Variants in WWOX observed in about 807,000 individuals in gnomAD.
WWOX encodes WW domain containing oxidoreductase, also known as WW domain-containing oxidoreductase.
In WWOX, 69 loss-of-function variants were observed where a neutral mutation model predicts 46.2. The ratio of observed to expected loss-of-function variants is 1.49; its 90% confidence interval spans 1.23 to 1.82. WWOX has a LOEUF of 1.82. Among genes scored for constraint, WWOX ranks in the 40% most tolerant of loss-of-function variants. WWOX has a pLI of 0.00. For missense variants in WWOX, 919 were observed against 542.6 expected, an observed-to-expected ratio of 1.69 and a Z score of -6.89; for synonymous variants, 359 against 202.6, an observed-to-expected ratio of 1.77 and a Z score of -6.56.
At chr16:78,657,754 C>G (rs1486501931) in intron 8 of WWOX, among the ~76,000 whole-genome samples, 1 of 152,160 alleles carries the variant, frequency 6.6e-6, no homozygotes, top group East Asian at 1.9e-4. Context: ...GGCTCCCTCT[C>G]TTGGGCCAAG....
intron 8 of WWOX, among the ~76,000 whole-genome samples, chr16:79,137,983 T>C (rs1430927664): frequency 4.6e-5 from 7 of 152,308 alleles, no homozygotes; most frequent in East Asian, 1.9e-4. Context: ...TAGATGAAGA[T>C]AGACCCGTTT....
chr16:79,140,270 A>T (rs1415699753), intron 8 of WWOX, among the ~76,000 whole-genome samples: 1 of 152,166 alleles, frequency 6.6e-6, no homozygotes, highest in Non-Finnish European at 1.5e-5. Flanking sequence ...TGAGCAGTCT[A>T]TTGGATGCGG....
intron 8 of WWOX, among the ~76,000 whole-genome samples, chr16:78,968,025 A>G (rs925980576): frequency 6.6e-6 from 1 of 152,238 alleles, no homozygotes; most frequent in Admixed American, 6.5e-5. Flanking sequence ...TTAATCTACC[A>G]TTCCTTGTGG....
chr16:78,432,075 T>C, intron 7 of WWOX, among the ~76,000 whole-genome samples: 1 of 151,994 alleles, frequency 6.6e-6, no homozygotes. Flanking sequence ...TTTTGATGTA[T>C]GTAAGATTGA....
chr16:78,510,490 G>A (rs1433113148), intron 8 of WWOX, among the ~76,000 whole-genome samples: 1 of 152,160 alleles, frequency 6.6e-6, no homozygotes, highest in East Asian at 1.9e-4. Flanking sequence ...TGGGATTACA[G>A]TCGTGAGCCA....
intron 8 of WWOX, among the ~76,000 whole-genome samples, chr16:78,574,210 G>C (rs549566588): frequency 3.3e-5 from 5 of 152,210 alleles, no homozygotes; most frequent in Non-Finnish European, 7.3e-5. Context: ...TCTGGGGCAA[G>C]TTGGTCAACA....
chr16:78,418,834 AT>A (rs2082859724), intron 6 of WWOX, among the ~76,000 whole-genome samples: 2 of 152,180 alleles, frequency 1.3e-5, no homozygotes, highest in South Asian at 4.1e-4. Flanking sequence ...CACAAATGAC[AT>A]CATAATTAAT....
chr16:78,772,855 C>T (rs1442798123), intron 8 of WWOX, among the ~76,000 whole-genome samples: 1 of 152,054 alleles, frequency 6.6e-6, no homozygotes, highest in East Asian at 1.9e-4. Flanking sequence ...CTTGTATCTA[C>T]TTAAAGTAAA....
chr16:78,854,418 C>A (rs549460326), intron 8 of WWOX, among the ~76,000 whole-genome samples: 4 of 152,262 alleles, frequency 2.6e-5, no homozygotes, highest in African/African-American at 9.6e-5. Context: ...GCAGTGAGTT[C>A]AGGAGATGAA....
intron 8 of WWOX, among the ~76,000 whole-genome samples, chr16:78,887,309 C>T (rs760969942): frequency 1.3e-4 from 20 of 151,972 alleles, no homozygotes; most frequent in Non-Finnish European, 2.6e-4. Flanking sequence ...TCTATGCAGC[C>T]CAACTCTATT....
intron 4 of WWOX, among the ~76,000 whole-genome samples, chr16:78,127,645 G>A (rs1196090987): frequency 6.6e-6 from 1 of 151,938 alleles, no homozygotes; most frequent in East Asian, 1.9e-4. Flanking sequence ...CATGCATCAT[G>A]GTAACATCTT....
intron 8 of WWOX, among the ~76,000 whole-genome samples, chr16:78,685,911 AAAG>A (rs1357596513): frequency 1.7e-5 from 2 of 120,928 alleles, no homozygotes; most frequent in African/African-American, 2.8e-5. Flanking sequence ...CAAAAAAGAA[AAAG>A]AAAAAAGAGA....
intron 8 of WWOX, among the ~76,000 whole-genome samples, chr16:78,635,526 G>A (rs568141684): frequency 2.1e-4 from 32 of 152,234 alleles, no homozygotes; most frequent in East Asian, 1.4e-3. Context: ...ACTTTCTGGC[G>A]GGTGGGGAGG....
chr16:79,011,160 C>T (rs1311403892), intron 8 of WWOX, among the ~76,000 whole-genome samples: 1 of 142,892 alleles, frequency 7.0e-6, no homozygotes, highest in Non-Finnish European at 1.5e-5. Context: ...CACACACACA[C>T]ACACACACAC....
At chr16:78,613,284 A>G (rs1464947680) in intron 8 of WWOX, among the ~76,000 whole-genome samples, 1 of 152,146 alleles carries the variant, frequency 6.6e-6, no homozygotes, top group Non-Finnish European at 1.5e-5. Flanking sequence ...TCACTCTTTC[A>G]GAAACATGAG....
chr16:78,663,862 A>G (rs2047270808), intron 8 of WWOX, among the ~76,000 whole-genome samples: 1 of 152,166 alleles, frequency 6.6e-6, no homozygotes, highest in African/African-American at 2.4e-5. Flanking sequence ...GTGGAAACAC[A>G]CTCGATGTGT....
chr16:78,843,934 A>G (rs2052229219), intron 8 of WWOX, among the ~76,000 whole-genome samples: 1 of 152,184 alleles, frequency 6.6e-6, no homozygotes, highest in Admixed American at 6.5e-5. Flanking sequence ...GCAGAGCAAC[A>G]CCGAAAAGCG....
At chr16:78,902,723 C>G (rs1381908750) in intron 8 of WWOX, among the ~76,000 whole-genome samples, 1 of 152,216 alleles carries the variant, frequency 6.6e-6, no homozygotes, top group Non-Finnish European at 1.5e-5. Flanking sequence ...AAGGCCAGGT[C>G]TTTTGTTGGT....
intron 8 of WWOX, among the ~76,000 whole-genome samples, chr16:78,730,660 G>T (rs773533099): frequency 1.4e-5 from 2 of 141,822 alleles, no homozygotes; most frequent in African/African-American, 5.2e-5. Context: ...GGGTCTTGCT[G>T]TGTTGCCCGG....
Sources: allele counts gnomAD v4.1 joint callset (sites outside exome capture counted in the v4.1 genomes callset), GRCh38; gene constraint gnomAD v4.1.1; transcripts MANE v1.5; gene names NCBI Gene and HGNC (gene_info 2026-07-23, HGNC 2026-07-21).